The following MYOCOS variants were observed in gnomAD, a reference collection of about 807,000 sequenced individuals.
MYOCOS encodes the protein myocilin opposite strand protein.
At chr1:171,616,265 C>G (rs970279718) in intron 2 of MYOCOS, among the ~76,000 whole-genome samples, 1 of 151,204 alleles carries the variant, frequency 6.6e-6, no homozygotes, top group Admixed American at 6.6e-5. Flanking sequence ...AAGGGCTGGG[C>G]GCAGTGGCTC....
intron 1 of MYOCOS, among the ~76,000 whole-genome samples, chr1:171,613,445 G>A (rs1652387943): frequency 6.6e-6 from 1 of 152,196 alleles, no homozygotes; most frequent in African/African-American, 2.4e-5. Context: ...TGGGTTTTGA[G>A]GTTTCCAAGT....
intron 1 of MYOCOS, among the ~76,000 whole-genome samples, chr1:171,605,872 G>C (rs1214947147): frequency 6.6e-6 from 1 of 152,162 alleles, no homozygotes; most frequent in African/African-American, 2.4e-5. Context: ...AGCCTTGACT[G>C]TTCTTGCCCG....
At chr1:171,604,358 A>G (rs1330747819) in intron 1 of MYOCOS, 4 of 152,222 alleles carry the variant, frequency 2.6e-5, no homozygotes, top group Admixed American at 6.5e-5. Flanking sequence ...TGTTCCCAGT[A>G]TATACATCAA....
At chr1:171,608,774 G>A (rs1182948092) in intron 1 of MYOCOS, among the ~76,000 whole-genome samples, 1 of 152,124 alleles carries the variant, frequency 6.6e-6, no homozygotes, top group Non-Finnish European at 1.5e-5. Flanking sequence ...CAAGGATGGG[G>A]ATGTAGGAAG....
intron 1 of MYOCOS, among the ~76,000 whole-genome samples, chr1:171,602,286 A>G (rs1652158748): frequency 6.6e-6 from 1 of 152,192 alleles, no homozygotes; most frequent in South Asian, 2.1e-4. Flanking sequence ...TTTAAAAGTA[A>G]TAAGGCCTCC....
chr1:171,621,166 A>T (rs1572205725), upstream of MYOCOS, among the ~76,000 whole-genome samples: 1 of 152,140 alleles, frequency 6.6e-6, no homozygotes, highest in East Asian at 1.9e-4. Context: ...ACGTGTTCTC[A>T]GGACCTCCTG....
At chr1:171,624,915 C>T (rs896971581) in intron 2 of MYOCOS, among the ~76,000 whole-genome samples, 1 of 151,918 alleles carries the variant, frequency 6.6e-6, no homozygotes, top group African/African-American at 2.4e-5. Flanking sequence ...AGCTCTTTGT[C>T]GGGTATGTTA....
chr1:171,601,762 C>A (rs1652146379), intron 1 of MYOCOS, among the ~76,000 whole-genome samples: 1 of 152,108 alleles, frequency 6.6e-6, no homozygotes, highest in African/African-American at 2.4e-5. Flanking sequence ...TGGTTTTAGA[C>A]CCCCTTCCTC....
upstream of MYOCOS, among the ~76,000 whole-genome samples, chr1:171,619,822 C>T (rs1652520261): frequency 6.8e-6 from 1 of 147,486 alleles, no homozygotes. Flanking sequence ...CAGAGCAAGA[C>T]TCCATCTCAA....
At chr1:171,616,245 CAAAA>C (rs970060039) in intron 2 of MYOCOS, among the ~76,000 whole-genome samples, 1 of 142,384 alleles carries the variant, frequency 7.0e-6, no homozygotes, top group Middle Eastern at 3.8e-3. Flanking sequence ...AACAAACAAA[CAAAA>C]AAACAAAGGG....
At position 171,623,928 on chromosome 1, in the gene MYOCOS, C is replaced by T. The variant is rs1364209205; in HGVS notation, c.45C>T (p.Tyr15=). ...SLANNSINLP[Y]KDLTSEVTRR... Reference sequence around the variant, plus strand: ...CAAACAACAGCATTAATCTCCCCTACAAGGACTTGACCTCCGAGGTAACCA... The same window carrying T: ...CAAACAACAGCATTAATCTCCCCTATAAGGACTTGACCTCCGAGGTAACCA... The change falls in exon 2 of 3, where the codon TAC becomes TAT. Residue 15 remains tyrosine, a synonymous_variant. Coordinates refer to ENST00000637642, the MANE Select transcript of MYOCOS (RefSeq NM_001391940.1). 2.5e-6 allele frequency: 1 copy of T among 398,484 alleles called. No individual in the cohort carries two copies. Among genetic ancestry groups the T allele is most frequent in the Admixed American group, 4.4e-5 (1 of 22,716 alleles). 24.7% of individuals were successfully genotyped at this position (398,484 alleles called of 1,614,324 possible).
chr1:171,604,252 G>C (rs181221741), intron 1 of MYOCOS: 2 of 152,112 alleles, frequency 1.3e-5, no homozygotes, highest in Admixed American at 6.5e-5. Context: ...GTCCATGCAC[G>C]GCCGAAGCGT....
In MYOCOS at chr1:171,616,820, C is replaced by T. The variant is rs537125985; in HGVS notation, c.-44+1815C>T. Reference sequence around the variant, plus strand: ...GATAGGCTGAGGTAAACATCCAGAGCGACTCAGTGAGTTTAGAGCACAGGC... The same window carrying T: ...GATAGGCTGAGGTAAACATCCAGAGTGACTCAGTGAGTTTAGAGCACAGGC... On this transcript the variant is annotated intron_variant, in intron 2 of 3. Transcript: ENST00000636697. Among the ~76,000 whole-genome samples, 5 of 152,228 alleles carry T rather than the reference C, an allele frequency of 3.3e-5. No individual in the cohort carries two copies. The East Asian group carries it at 5.8e-4, about 18-fold the overall frequency.
chr1:171,615,261 G>A (rs1268441907), intron 2 of MYOCOS, among the ~76,000 whole-genome samples: 1 of 152,222 alleles, frequency 6.6e-6, no homozygotes, highest in Non-Finnish European at 1.5e-5. Flanking sequence ...AGATAACGGT[G>A]AGTTGGACCA....
chr1:171,618,441 T>G (rs1484593084), upstream of MYOCOS, among the ~76,000 whole-genome samples: 1 of 152,256 alleles, frequency 6.6e-6, no homozygotes, highest in East Asian at 1.9e-4. Context: ...GCTTTGCTGT[T>G]GTGGGGATGA....
intron 2 of MYOCOS, among the ~76,000 whole-genome samples, chr1:171,625,036 G>A (rs1652666454): frequency 6.6e-6 from 1 of 152,154 alleles, no homozygotes; most frequent in Non-Finnish European, 1.5e-5. Flanking sequence ...TGTTTACAAT[G>A]CCCTTTGACC....
intron 1 of MYOCOS, among the ~76,000 whole-genome samples, chr1:171,608,974 T>A (rs235899): frequency 6.6e-6 from 1 of 151,974 alleles, no homozygotes; most frequent in Admixed American, 6.6e-5. Flanking sequence ...TCTGGAAATA[T>A]CTCCTCCAGA....
At chr1:171,614,618 G>T (rs1652416149) in intron 1 of MYOCOS, among the ~76,000 whole-genome samples, 1 of 152,180 alleles carries the variant, frequency 6.6e-6, no homozygotes, top group African/African-American at 2.4e-5. Context: ...GCCTGGAGAG[G>T]CACTCAGCTG....
At chr1:171,619,968 C>A (rs12063487), upstream of MYOCOS, among the ~76,000 whole-genome samples, 64,097 of 150,238 alleles carry the variant, frequency 0.43, 13,773 homozygotes, top group East Asian at 0.51. Context: ...CCAAGTTCTT[C>A]AGTTTTGGGA....
Sources: allele counts gnomAD v4.1 joint callset (sites outside exome capture counted in the v4.1 genomes callset), GRCh38; gene constraint gnomAD v4.1.1; transcripts MANE v1.5; gene names NCBI Gene and HGNC (gene_info 2026-07-23, HGNC 2026-07-21).